The following KCNQ3 variants were observed in gnomAD, a reference collection of about 807,000 sequenced individuals.
KCNQ3 encodes potassium voltage-gated channel subfamily Q member 3.
Under a neutral mutation model 92.5 loss-of-function variants are expected in KCNQ3, and 30 were observed. The ratio of observed to expected loss-of-function variants is 0.32; its 90% CI spans 0.24 to 0.44. KCNQ3 has a LOEUF of 0.44. KCNQ3 is among the 20% of genes least tolerant of loss of function. KCNQ3 has a pLI of 1.00. For missense variants in KCNQ3, 913 were observed against 1,140.3 expected (o/e 0.80, Z 2.87); for synonymous variants, 450 against 468.8 (o/e 0.96, Z 0.52).
chr8:132,474,422 C>T (rs1822361860), intron 1 of KCNQ3, among the ~76,000 whole-genome samples: 1 of 152,096 alleles, frequency 6.6e-6, no homozygotes, highest in South Asian at 2.1e-4. Flanking sequence ...ATCAGAATCT[C>T]TTTCAGCCAT....
chr8:132,144,898 C>T (rs749067182), intron 9 of KCNQ3, among the ~76,000 whole-genome samples: 1 of 152,334 alleles, frequency 6.6e-6, no homozygotes. Flanking sequence ...TAGTCCACTT[C>T]AGGCTTTTCT....
chr8:132,344,546 A>G (rs1818623866), intron 1 of KCNQ3, among the ~76,000 whole-genome samples: 2 of 152,210 alleles, frequency 1.3e-5, no homozygotes, highest in African/African-American at 4.8e-5. Flanking sequence ...TATGATCTCC[A>G]CTGTGCAGAT....
rs149895622 is a variant in KCNQ3 at position 132,350,443 on chromosome 8, C to T, written c.386+129704G>A. 3.6e-4 allele frequency among the ~76,000 whole-genome samples: 55 copies of T among 152,240 alleles called. No homozygotes were observed. In the South Asian group the frequency reaches 3.9e-3, roughly 11 times the overall value. On this transcript the variant is annotated intron_variant, in intron 1 of 14. Transcript: ENST00000388996. ...TTACAGGTAAGATCCCGAAGTCCAC[C>T]GAGGCCAAGCTACCTGTTGTAATCA...
intron 1 of KCNQ3, among the ~76,000 whole-genome samples, chr8:132,187,040 T>A (rs1826992681): frequency 6.6e-6 from 1 of 151,412 alleles, no homozygotes; most frequent in Non-Finnish European, 1.5e-5. Context: ...TGGTTCTCCC[T>A]CTTGGTGGAG....
chr8:132,135,166 G>A (rs1467933846), intron 12 of KCNQ3, among the ~76,000 whole-genome samples: 2 of 152,156 alleles, frequency 1.3e-5, no homozygotes, highest in South Asian at 2.1e-4. Context: ...GTGAGAACAC[G>A]CTGTATATGG....
At chr8:132,238,480 T>C (rs1814886587) in intron 1 of KCNQ3, among the ~76,000 whole-genome samples, 1 of 152,160 alleles carries the variant, frequency 6.6e-6, no homozygotes, top group African/African-American at 2.4e-5. Context: ...GAAGCCTCTC[T>C]CAGGTTTATT....
chr8:132,399,685 G>T (rs947629257), intron 1 of KCNQ3, among the ~76,000 whole-genome samples: 4 of 152,096 alleles, frequency 2.6e-5, no homozygotes, highest in South Asian at 2.1e-4. Flanking sequence ...CGCAATACAC[G>T]CTCACACATA....
At chr8:132,305,170 A>G (rs1817379623) in intron 1 of KCNQ3, among the ~76,000 whole-genome samples, 2 of 152,244 alleles carry the variant, frequency 1.3e-5, no homozygotes. Flanking sequence ...AAAATAAAGT[A>G]TGACCTGCAA....
intron 1 of KCNQ3, among the ~76,000 whole-genome samples, chr8:132,270,940 T>C (rs1008668690): frequency 6.6e-6 from 1 of 152,236 alleles, no homozygotes; most frequent in African/African-American, 2.4e-5. Context: ...ACATTAAAAT[T>C]TGGGAAGTGC....
intron 1 of KCNQ3, among the ~76,000 whole-genome samples, chr8:132,201,628 C>T (rs956972580): frequency 3.3e-5 from 5 of 152,178 alleles, no homozygotes; most frequent in African/African-American, 1.2e-4. Flanking sequence ...GATAAGACTC[C>T]GGAATAATCT....
At chr8:132,200,164 A>G (rs553631453) in intron 1 of KCNQ3, among the ~76,000 whole-genome samples, 1 of 152,296 alleles carries the variant, frequency 6.6e-6, no homozygotes, top group South Asian at 2.1e-4. Context: ...AGATCCATAT[A>G]TATGTTTATA....
chr8:132,382,293 G>T (rs1819772089), intron 1 of KCNQ3, among the ~76,000 whole-genome samples: 1 of 152,210 alleles, frequency 6.6e-6, no homozygotes, highest in African/African-American at 2.4e-5. Context: ...GCTTGGTGCT[G>T]TCTTCATAGT....
chr8:132,456,585 GCTTT>G (rs953765289), intron 1 of KCNQ3, among the ~76,000 whole-genome samples: 2 of 149,386 alleles, frequency 1.3e-5, no homozygotes, highest in African/African-American at 5.0e-5. Context: ...AGCAATGTTA[GCTTT>G]CTATTTTTTT....
At chr8:132,366,022 C>T (rs1266744907) in intron 1 of KCNQ3, among the ~76,000 whole-genome samples, 1 of 152,094 alleles carries the variant, frequency 6.6e-6, no homozygotes, top group African/African-American at 2.4e-5. Context: ...CAGAGCCAGA[C>T]CCTATAAAGT....
At chr8:132,353,758 G>C (rs1044599213) in intron 1 of KCNQ3, among the ~76,000 whole-genome samples, 1 of 152,150 alleles carries the variant, frequency 6.6e-6, no homozygotes, top group Non-Finnish European at 1.5e-5. Context: ...ATGTTGCAGT[G>C]AGCCGAGATC....
At chr8:132,374,138 A>G (rs552215360) in intron 1 of KCNQ3, among the ~76,000 whole-genome samples, 1 of 152,248 alleles carries the variant, frequency 6.6e-6, no homozygotes, top group Admixed American at 6.5e-5. Context: ...AGGGCCCAGG[A>G]GTCAGACAGA....
chr8:132,204,819 C>T (rs761407315), intron 1 of KCNQ3, among the ~76,000 whole-genome samples: 1 of 152,202 alleles, frequency 6.6e-6, no homozygotes, highest in Non-Finnish European at 1.5e-5. Flanking sequence ...CGCTGCTATT[C>T]AAGTGCAAAT....
At chr8:132,157,277 A>AG (rs913735573) in intron 9 of KCNQ3, among the ~76,000 whole-genome samples, 1 of 152,220 alleles carries the variant, frequency 6.6e-6, no homozygotes, top group Admixed American at 6.5e-5. Context: ...GGTAGAGAGA[A>AG]GGCCACATGA....
At chr8:132,298,979 G>T (rs7836276) in intron 1 of KCNQ3, among the ~76,000 whole-genome samples, 3,903 of 152,030 alleles carry the variant, frequency 0.026, 184 homozygotes, top group African/African-American at 0.089. Context: ...ATTATTTTCA[G>T]GTGGAAATAC....
Sources: gnomAD v4.1 joint callset for allele counts (sites outside exome capture counted in the v4.1 genomes callset) on GRCh38, gnomAD v4.1.1 for gene constraint, MANE v1.5 for transcripts, NCBI Gene and HGNC (gene_info 2026-07-23, HGNC 2026-07-21) for gene names.